Variants in TMPRSS11F observed in about 807,000 individuals in gnomAD.
The protein encoded by TMPRSS11F is transmembrane serine protease 11F, also known as transmembrane protease serine 11F.
In TMPRSS11F, 47 loss-of-function variants were observed where a neutral mutation model predicts 60.2. That is an observed-to-expected ratio of 0.78 (90% CI 0.62 to 1.00). TMPRSS11F has a LOEUF of 1.00. TMPRSS11F is among the 50% of genes least tolerant of loss of function. TMPRSS11F has a pLI of 0.00. For synonymous variants in TMPRSS11F, 166 were observed against 167.3 expected (o/e 0.99, Z 0.06); for missense variants, 519 against 522.9 (o/e 0.99, Z 0.07).
At chr4:68,111,348 A>G (rs1323133818) in intron 1 of TMPRSS11F, among the ~76,000 whole-genome samples, 2 of 152,174 alleles carry the variant, frequency 1.3e-5, no homozygotes, top group Non-Finnish European at 1.5e-5. Context: ...CTACTGTATT[A>G]AAAACAAAAT....
At chr4:68,122,309 G>A (rs1476065964) in intron 1 of TMPRSS11F, among the ~76,000 whole-genome samples, 3 of 151,982 alleles carry the variant, frequency 2.0e-5, no homozygotes, top group African/African-American at 7.2e-5. Flanking sequence ...ATTTTGATAA[G>A]TGGATCAATA....
intron 1 of TMPRSS11F, among the ~76,000 whole-genome samples, chr4:68,118,509 T>C (rs182486096): frequency 2.1e-3 from 326 of 152,308 alleles, no homozygotes; most frequent in Non-Finnish European, 3.8e-3. Context: ...AAAGCACCCA[T>C]TACATATGCT....
chr4:68,059,664 G>A (rs1256257342), intron 8 of TMPRSS11F, among the ~76,000 whole-genome samples, 196 bp from the exon 9 acceptor site: 1 of 152,112 alleles, frequency 6.6e-6, no homozygotes, highest in Non-Finnish European at 1.5e-5. Flanking sequence ...TATCACATTT[G>A]TAGATCTTTC....
intron 9 of TMPRSS11F, among the ~76,000 whole-genome samples, chr4:68,056,444 CA>C (rs60388608): frequency 0.049 from 5,461 of 111,466 alleles, 271 homozygotes; most frequent in African/African-American, 0.14. Context: ...AAAAAAATAG[CA>C]AAAAAAAAAA....
At chr4:68,102,497 T>C (rs1209872902) in intron 1 of TMPRSS11F, among the ~76,000 whole-genome samples, 1 of 152,196 alleles carries the variant, frequency 6.6e-6, no homozygotes, top group East Asian at 1.9e-4. Flanking sequence ...TTTTGACTTT[T>C]TGGTAATAGC....
rs1722984594 is a variant in TMPRSS11F at position 68,053,652 on chromosome 4, GAAGTATCAC to G, written c.*248_*256del. ...GGAAACCACTTATTTATCTTATTAG[GAAGTATCAC>G]AAGCAGTTTCCCTTGTGAGTAAGGA... On this transcript the variant is annotated 3_prime_UTR_variant, in exon 10 of 10. Coordinates refer to ENST00000356291, the MANE Select transcript of TMPRSS11F (RefSeq NM_207407.2). 2 of 339,304 alleles carry G rather than the reference GAAGTATCAC, an allele frequency of 5.9e-6. No individual in the cohort carries two copies. Among genetic ancestry groups the G allele is most frequent in the African/African-American group, 4.2e-5 (2 of 47,620 alleles). The allele number at this position is 339,304 out of a possible 1,614,324, so 21.0% of individuals were successfully genotyped here.
intron 3 of TMPRSS11F, among the ~76,000 whole-genome samples, chr4:68,081,250 A>T (rs1332919116): frequency 6.6e-6 from 1 of 152,178 alleles, no homozygotes; most frequent in Non-Finnish European, 1.5e-5. Flanking sequence ...GAGTCATGAG[A>T]ATTTTCCAGT....
chr4:68,085,949 C>A (rs1723803491), intron 3 of TMPRSS11F, among the ~76,000 whole-genome samples: 1 of 152,130 alleles, frequency 6.6e-6, no homozygotes, highest in South Asian at 2.1e-4. Flanking sequence ...AACAGTCCCA[C>A]TGATAACATT....
chr4:68,078,184 G>A (rs1383873752), intron 3 of TMPRSS11F, among the ~76,000 whole-genome samples: 1 of 152,076 alleles, frequency 6.6e-6, no homozygotes, highest in Admixed American at 6.6e-5. Context: ...GCTGGAGAGG[G>A]GCCAAAACCT....
chr4:68,126,391 C>G (rs1258127095), intron 1 of TMPRSS11F, among the ~76,000 whole-genome samples: 1 of 152,150 alleles, frequency 6.6e-6, no homozygotes, highest in East Asian at 1.9e-4. Context: ...ATCTCTTCAA[C>G]AATAAATCTC....
intron 3 of TMPRSS11F, among the ~76,000 whole-genome samples, chr4:68,081,409 T>C (rs1723694612): frequency 6.6e-6 from 1 of 152,246 alleles, no homozygotes; most frequent in African/African-American, 2.4e-5. Context: ...CTCATGTTTA[T>C]ATTTATTTTT....
intron 8 of TMPRSS11F, among the ~76,000 whole-genome samples, chr4:68,060,748 T>C (rs1723154006): frequency 6.6e-6 from 1 of 151,836 alleles, no homozygotes; most frequent in African/African-American, 2.4e-5. Flanking sequence ...ATATACCTTT[T>C]GTATTTTTTC....
intron 3 of TMPRSS11F, among the ~76,000 whole-genome samples, chr4:68,088,106 TAA>T (rs1434289734): frequency 1.3e-5 from 2 of 151,890 alleles, no homozygotes; most frequent in Non-Finnish European, 2.9e-5. Context: ...GCAGATTGGA[TAA>T]AGAGTCAAGA....
At position 68,125,784 on chromosome 4, in the gene TMPRSS11F, T is replaced by C. The variant is rs574536688; in HGVS notation, c.11+4026A>G. On this transcript the variant is annotated intron_variant, in intron 1 of 9. Coordinates refer to ENST00000356291, the MANE Select transcript of TMPRSS11F (RefSeq NM_207407.2). Reference sequence around the variant, plus strand: ...GGTCAAGATACTGGTTTCCATGCTGTCTTCCTACATTTGTTTTATAGTGTT... The same window carrying C: ...GGTCAAGATACTGGTTTCCATGCTGCCTTCCTACATTTGTTTTATAGTGTT... 1.5e-4 allele frequency among the ~76,000 whole-genome samples: 23 copies of C among 152,296 alleles called. No homozygotes were observed. The South Asian group carries it at 3.5e-3, about 23-fold the overall frequency.
Position 68,104,188 on chromosome 4 carries a change from C to T in TMPRSS11F, c.12-5150G>A, listed in dbSNP as rs111361029. ...CCAGTACTATGTTGAACAGAAGTGG[C>T]AAGAGTGGGCATTCTTGCTTTTTAC... On this transcript the variant is annotated intron_variant, in intron 1 of 9. Coordinates refer to ENST00000356291, the MANE Select transcript of TMPRSS11F (RefSeq NM_207407.2). Among the ~76,000 whole-genome samples, 209 of 152,256 alleles carry T rather than the reference C, an allele frequency of 1.4e-3. 3 individuals carry two copies. Among genetic ancestry groups the T allele is most frequent in the African/African-American group, 4.9e-3 (205 of 41,548 alleles).
rs61751924 is a variant in TMPRSS11F, at chr4:68,062,656, G to C, written c.1015+2029C>G. ...AGCTGTTGAGACCTAAATAAATCCA[G>C]CCTATCATCTTTCTTCTCATGCTGC... is the stretch of plus-strand genomic sequence containing the variant. On this transcript the variant is annotated intron_variant, in intron 8 of 9. Transcript: ENST00000356291. 4.4e-4 allele frequency: 342 copies of C among 776,324 alleles called. 2 individuals are homozygous for C. In the African/African-American group the frequency reaches 5.0e-3, roughly 11 times the overall value. 48.1% of individuals were successfully genotyped at this position (776,324 alleles called of 1,614,324 possible).
chr4:68,099,689 A>G (rs979668031), intron 1 of TMPRSS11F, among the ~76,000 whole-genome samples: 2 of 152,160 alleles, frequency 1.3e-5, no homozygotes, highest in Admixed American at 1.3e-4. Context: ...TTTTTCTGTA[A>G]ATGACTTTAT....
At chr4:68,115,564 T>C (rs1349744552) in intron 1 of TMPRSS11F, among the ~76,000 whole-genome samples, 2 of 151,952 alleles carry the variant, frequency 1.3e-5, no homozygotes, top group Non-Finnish European at 2.9e-5. Context: ...GAAAAAGAAA[T>C]ATAAAACACA....
intron 1 of TMPRSS11F, among the ~76,000 whole-genome samples, chr4:68,118,819 A>G (rs1724573626): frequency 6.6e-6 from 1 of 152,220 alleles, no homozygotes; most frequent in African/African-American, 2.4e-5. Context: ...GGGTCAGGGA[A>G]GGTTCCTCTG....
Sources: gnomAD v4.1 joint callset for allele counts (sites outside exome capture counted in the v4.1 genomes callset) on GRCh38, gnomAD v4.1.1 for gene constraint, MANE v1.5 for transcripts, NCBI Gene and HGNC (gene_info 2026-07-23, HGNC 2026-07-21) for gene names.